Variants in CCDC186 observed in about 807,000 individuals in gnomAD.
CCDC186 encodes the protein coiled-coil domain-containing protein 186.
A neutral mutation model predicts 113.7 loss-of-function variants in CCDC186; 49 were observed. The ratio of observed to expected loss-of-function variants is 0.43; its 90% CI spans 0.34 to 0.55. The LOEUF (loss-of-function observed/expected upper bound fraction) is 0.55, where lower values mean the gene tolerates loss of function less well. CCDC186 is among the 20% of genes least tolerant of loss of function. The probability of loss-of-function intolerance (pLI) is 0.02; values close to 1 mark genes in which losing one functional copy is unlikely to be tolerated. For synonymous variants in CCDC186, 355 were observed against 345.8 expected (o/e 1.03, Z -0.30); for missense variants, 890 against 1,011.1 (o/e 0.88, Z 1.62).
intron 14 of CCDC186, among the ~76,000 whole-genome samples, chr10:114,126,523 A>AT (rs929528068): frequency 6.0e-5 from 9 of 149,776 alleles, no homozygotes; most frequent in Admixed American, 5.3e-4. Flanking sequence ...TGCCTGAATA[A>AT]TTTTTTTTTT....
chr10:114,165,683 C>T (rs570151038), intron 1 of CCDC186, among the ~76,000 whole-genome samples: 67 of 151,632 alleles, frequency 4.4e-4, no homozygotes, highest in African/African-American at 1.6e-3. Context: ...GAGCGAGACT[C>T]TGTCTCAAAA....
intron 1 of CCDC186, among the ~76,000 whole-genome samples, chr10:114,165,221 T>A (rs1164366157): frequency 1.3e-5 from 2 of 152,242 alleles, no homozygotes; most frequent in Non-Finnish European, 2.9e-5. Flanking sequence ...TGCAGATATT[T>A]TATAACCAAG....
In CCDC186 at chr10:114,124,572, T is replaced by C. The variant is rs1418771335; in HGVS notation, c.*571A>G. The C allele has an allele frequency of 6.6e-6, 1 of 152,264 alleles. No individual in the cohort carries two copies. The highest frequency in any genetic ancestry group is 2.4e-5 in the African/African-American group (1 of 41,466). The allele number at this position is 152,264 out of a possible 1,614,324, so 9.4% of individuals were successfully genotyped here. The stretch of plus-strand genomic sequence containing the variant: ...GACAGAGGCAAACAATGCCTGATCA[T>C]TGCTAGTTACCAAGAGCTAGCTTTC... On this transcript the variant is annotated 3_prime_UTR_variant, in exon 16 of 16. Coordinates refer to ENST00000369287, the MANE Select transcript of CCDC186 (RefSeq NM_018017.4).
chr10:114,153,638 T>C (rs1000321418), intron 3 of CCDC186, among the ~76,000 whole-genome samples: 3 of 151,256 alleles, frequency 2.0e-5, no homozygotes, highest in Non-Finnish European at 4.4e-5. Flanking sequence ...ATACAAAAAT[T>C]AGCTGGGCAT....
rs1312620599 is a variant in CCDC186 at position 114,120,957 on chromosome 10, A to C, written c.*4186T>G. On this transcript the variant is annotated 3_prime_UTR_variant, in exon 16 of 16. Transcript: ENST00000369287. The stretch of plus-strand genomic sequence containing the variant: ...ATACAGAAACATATTTACAAGAAAC[A>C]GTGTAATCAAATTAAAGGTATCTGT... 1 of 152,188 alleles carries C rather than the reference A, an allele frequency of 6.6e-6. No individual in the cohort carries two copies. The highest frequency in any genetic ancestry group is 2.4e-5 in the African/African-American group (1 of 41,456). 9.4% of individuals were successfully genotyped at this position (152,188 alleles called of 1,614,324 possible).
chr10:114,165,684 T>C (rs2119819076), intron 1 of CCDC186, among the ~76,000 whole-genome samples: 2 of 151,850 alleles, frequency 1.3e-5, no homozygotes, highest in South Asian at 4.2e-4. Flanking sequence ...AGCGAGACTC[T>C]GTCTCAAAAA....
intron 6 of CCDC186, among the ~76,000 whole-genome samples, chr10:114,137,530 T>A (rs2031303811): frequency 1.3e-5 from 2 of 152,226 alleles, no homozygotes; most frequent in Admixed American, 6.5e-5. Flanking sequence ...ACTAACCTGA[T>A]AAGATGAGCA....
At chr10:114,131,367 T>C (rs759010330) in intron 11 of CCDC186, 31 bp from the exon 12 acceptor site, 1 of 1,499,202 alleles carries the variant, frequency 6.7e-7, no homozygotes, top group Non-Finnish European at 8.9e-7. Context: ...AAACCACCAA[T>C]TTTAGTATGT....
At chr10:114,130,358 T>C (rs1053218340) in intron 12 of CCDC186, 9 of 163,320 alleles carry the variant, frequency 5.5e-5, no homozygotes, top group African/African-American at 7.2e-5. Context: ...AAATGCTAAG[T>C]CCCTTTTAGC....
chr10:114,143,981 C>T (rs985253540), intron 6 of CCDC186, among the ~76,000 whole-genome samples: 27 of 151,980 alleles, frequency 1.8e-4, no homozygotes, highest in African/African-American at 6.3e-4. Context: ...TCACTAGGCA[C>T]AATACCAATG....
At chr10:114,152,895 CA>C (rs1428452498) in intron 3 of CCDC186, among the ~76,000 whole-genome samples, 1 of 151,826 alleles carries the variant, frequency 6.6e-6, no homozygotes, top group Non-Finnish European at 1.5e-5. Flanking sequence ...GAATAGCTCA[CA>C]AAAATAAAAC....
chr10:114,154,937 A>C (rs989801235), intron 3 of CCDC186, among the ~76,000 whole-genome samples: 2 of 152,230 alleles, frequency 1.3e-5, no homozygotes, highest in Admixed American at 1.3e-4. Context: ...TACAACTTGA[A>C]TGAAATCTTA....
At chr10:114,168,035 A>T (rs986646925) in intron 1 of CCDC186, 1 of 152,160 alleles carries the variant, frequency 6.6e-6, no homozygotes, top group African/African-American at 2.4e-5. Context: ...ATATATATAT[A>T]GTAATTACAA....
intron 15 of CCDC186, 39 bp from the exon 16 acceptor site, chr10:114,125,265 C>T (rs986218605): frequency 7.1e-7 from 1 of 1,415,528 alleles, no homozygotes; most frequent in Non-Finnish European, 9.8e-7. Context: ...AAGAGAAAAA[C>T]AAAAGTATAA....
Position 114,125,236 on chromosome 10 carries a change from T to C in CCDC186, c.2614-10A>G, listed in dbSNP as rs1243382966. ...GTGTTTGTAGATTTTCCTTTAATAA[T>C]TGGGGTGAGGGGAAAGGGAAGAGAA... On this transcript the variant is annotated splice_polypyrimidine_tract_variant and intron_variant, in intron 15 of 15. Transcript: ENST00000369287. The C allele has an allele frequency of 5.1e-6, 8 of 1,583,904 alleles. No homozygotes were observed. The highest frequency in any genetic ancestry group is 6.1e-6 in the Non-Finnish European group (7 of 1,155,130).
intron 3 of CCDC186, among the ~76,000 whole-genome samples, chr10:114,156,969 C>T (rs750640379): frequency 1.3e-5 from 2 of 152,062 alleles, no homozygotes; most frequent in Non-Finnish European, 2.9e-5. Context: ...CAACTCAAAT[C>T]GTCTTTTTGC....
At chr10:114,138,564 T>C (rs1287316817) in intron 6 of CCDC186, among the ~76,000 whole-genome samples, 1 of 152,070 alleles carries the variant, frequency 6.6e-6, no homozygotes, top group Non-Finnish European at 1.5e-5. Flanking sequence ...TTTTATAGAC[T>C]GATGCTGCAA....
chr10:114,128,884 T>C (rs961967880), intron 13 of CCDC186, among the ~76,000 whole-genome samples: 1 of 152,230 alleles, frequency 6.6e-6, no homozygotes. Context: ...TCATTTGTTC[T>C]TGGGTGTTAA....
intron 1 of CCDC186, chr10:114,165,848 TC>T (rs2032321617): frequency 4.4e-6 from 1 of 228,658 alleles, no homozygotes; most frequent in Non-Finnish European, 5.1e-6. Context: ...ACACTTTGTC[TC>T]AAAAAAAAAA....
Sources: allele counts gnomAD v4.1 joint callset (sites outside exome capture counted in the v4.1 genomes callset), GRCh38; gene constraint gnomAD v4.1.1; transcripts MANE v1.5; gene names NCBI Gene and HGNC (gene_info 2026-07-23, HGNC 2026-07-21).